The following ARFIP1 variants were observed in gnomAD, a reference collection of about 807,000 sequenced individuals.
ARFIP1 encodes arfaptin-1.
In ARFIP1, 24 loss-of-function variants were observed where a neutral mutation model predicts 42.5. The observed-to-expected ratio is 0.57, with a 90% CI of 0.41 to 0.80. The LOEUF is 0.80. ARFIP1 is among the 30% of genes least tolerant of loss of function. The pLI is 0.00. For missense variants in ARFIP1, 354 were observed against 434.0 expected, an observed-to-expected ratio of 0.82 and a Z score of 1.64; for synonymous variants, 141 against 153.7, an observed-to-expected ratio of 0.92 and a Z score of 0.61.
intron 2 of ARFIP1, among the ~76,000 whole-genome samples, chr4:152,858,680 A>G (rs1482165360): frequency 2.0e-5 from 3 of 152,212 alleles, no homozygotes; most frequent in African/African-American, 7.2e-5. Flanking sequence ...TATCTCAGGT[A>G]CTATTTCAGG....
intron 8 of ARFIP1, among the ~76,000 whole-genome samples, chr4:152,895,229 A>G (rs1298406300): frequency 6.6e-6 from 1 of 152,236 alleles, no homozygotes; most frequent in Non-Finnish European, 1.5e-5. Flanking sequence ...TTGGATTACA[A>G]TAGTGATAGT....
At chr4:152,802,645 C>T (rs1003053866) in intron 1 of ARFIP1, among the ~76,000 whole-genome samples, 2 of 152,106 alleles carry the variant, frequency 1.3e-5, no homozygotes, top group Non-Finnish European at 2.9e-5. Flanking sequence ...TAATGTCTTA[C>T]GCAGTTCCAC....
chr4:152,797,856 A>G, intron 1 of ARFIP1, among the ~76,000 whole-genome samples: 1 of 152,170 alleles, frequency 6.6e-6, no homozygotes, highest in East Asian at 1.9e-4. Flanking sequence ...GGCTACCATT[A>G]TATCATCTGC....
intron 1 of ARFIP1, among the ~76,000 whole-genome samples, chr4:152,808,228 C>T (rs964938663): frequency 6.9e-6 from 1 of 145,964 alleles, no homozygotes; most frequent in Non-Finnish European, 1.5e-5. Context: ...GATCTTCCCA[C>T]CTTGGCCTCC....
At chr4:152,780,783 C>G (rs1730440183) in intron 1 of ARFIP1, among the ~76,000 whole-genome samples, 1 of 152,188 alleles carries the variant, frequency 6.6e-6, no homozygotes, top group African/African-American at 2.4e-5. Flanking sequence ...TGCTCCGTTC[C>G]TGTTTGCCAA....
intron 2 of ARFIP1, among the ~76,000 whole-genome samples, chr4:152,858,342 G>C (rs1733608778): frequency 6.6e-6 from 1 of 151,992 alleles, no homozygotes; most frequent in African/African-American, 2.4e-5. Flanking sequence ...CCATAGCTCA[G>C]GCAGTACTTC....
chr4:152,876,110 C>T (rs559074153), intron 5 of ARFIP1, among the ~76,000 whole-genome samples: 2 of 152,198 alleles, frequency 1.3e-5, no homozygotes, highest in African/African-American at 2.4e-5. Context: ...CCAACTAATA[C>T]AGTAAATTGG....
intron 2 of ARFIP1, among the ~76,000 whole-genome samples, chr4:152,857,157 C>T (rs763740102): frequency 2.4e-4 from 36 of 152,086 alleles, no homozygotes; most frequent in Non-Finnish European, 5.0e-4. Flanking sequence ...AGTTGAAGGG[C>T]GTTGTCCTGT....
At chr4:152,883,922 A>G (rs1292035013) in intron 7 of ARFIP1, among the ~76,000 whole-genome samples, 1 of 151,878 alleles carries the variant, frequency 6.6e-6, no homozygotes, top group Non-Finnish European at 1.5e-5. Context: ...TTAGAAGGAT[A>G]ACTTTACTCT....
At position 152,862,560 on chromosome 4, in the gene ARFIP1, A is replaced by G. The variant is rs1341272325; in HGVS notation, c.94-1046A>G. ...AGGTGTAATGGTTTAGAAAAAATAT[A>G]TAACAGTAGTTATATATATTTATGA... On this transcript the variant is annotated intron_variant, in intron 2 of 8. Transcript: ENST00000353617. 5.9e-5 allele frequency among the ~76,000 whole-genome samples: 9 copies of G among 152,282 alleles called. No individual in the cohort carries two copies. In the East Asian group the frequency reaches 1.7e-3, roughly 29 times the overall value.
chr4:152,871,441 T>A (rs991904615), intron 4 of ARFIP1, among the ~76,000 whole-genome samples: 4 of 152,156 alleles, frequency 2.6e-5, no homozygotes, highest in Non-Finnish European at 4.4e-5. Flanking sequence ...AACTCCACGT[T>A]TCTTCTTATA....
intron 5 of ARFIP1, among the ~76,000 whole-genome samples, chr4:152,874,257 T>C (rs543167787): frequency 6.6e-6 from 1 of 152,374 alleles, no homozygotes; most frequent in East Asian, 1.9e-4. Flanking sequence ...TATTAAAAAT[T>C]TGTGTTAATG....
At chr4:152,837,466 A>G (rs2149853121) in intron 2 of ARFIP1, among the ~76,000 whole-genome samples, 1 of 152,288 alleles carries the variant, frequency 6.6e-6, no homozygotes, top group Non-Finnish European at 1.5e-5. Context: ...GATCATGGCC[A>G]TTCTTGCAGG....
intron 8 of ARFIP1, among the ~76,000 whole-genome samples, chr4:152,909,174 CA>C (rs1172075643): frequency 6.6e-6 from 1 of 152,108 alleles, no homozygotes; most frequent in East Asian, 1.9e-4. Flanking sequence ...CACCTGAGGT[CA>C]GGAGTTTGAG....
Position 152,832,011 on chromosome 4 carries a change from C to A in ARFIP1, c.93+2285C>A, listed in dbSNP as rs1578890089. Among the ~76,000 whole-genome samples, 4 of 150,500 alleles carry A rather than the reference C, an allele frequency of 2.7e-5. No individual in the cohort carries two copies. The South Asian group carries it at 8.6e-4, about 32-fold the overall frequency. ...TGTTAATATACCACAGTTTGTATAT[C>A]CATTCTTCAGCTGATTGTTATCTAG... On this transcript the variant is annotated intron_variant, in intron 2 of 8. Coordinates refer to ENST00000353617, the MANE Select transcript of ARFIP1 (RefSeq NM_001025595.3).
chr4:152,814,097 C>CTTTTTTTTTTTTTTTTTTTTTT (rs67593845), intron 1 of ARFIP1, among the ~76,000 whole-genome samples: 1 of 110,882 alleles, frequency 9.0e-6, no homozygotes, highest in Non-Finnish European at 1.9e-5. Flanking sequence ...TCTTCTTCTT[C>CTTTTTTTTTTTTTTTTTTTTTT]TTTTTTTTTT....
At chr4:152,808,496 T>G (rs2149830603) in intron 1 of ARFIP1, among the ~76,000 whole-genome samples, 1 of 151,652 alleles carries the variant, frequency 6.6e-6, no homozygotes, top group African/African-American at 2.4e-5. Context: ...TTGGGTATAT[T>G]TCCTAGGAGT....
intron 1 of ARFIP1, among the ~76,000 whole-genome samples, chr4:152,794,476 G>T (rs1000885390): frequency 3.3e-5 from 5 of 152,144 alleles, no homozygotes; most frequent in Non-Finnish European, 4.4e-5. Context: ...GTATTGAGGG[G>T]TTTATGATAT....
At chr4:152,880,715 T>C (rs1316482334) in intron 5 of ARFIP1, among the ~76,000 whole-genome samples, 3 of 152,208 alleles carry the variant, frequency 2.0e-5, no homozygotes, top group Non-Finnish European at 4.4e-5. Context: ...AAAATAATTA[T>C]GTGAGAGAGT....
Sources: allele counts gnomAD v4.1 joint callset (sites outside exome capture counted in the v4.1 genomes callset), GRCh38; gene constraint gnomAD v4.1.1; transcripts MANE v1.5; gene names NCBI Gene and HGNC (gene_info 2026-07-23, HGNC 2026-07-21).